The following GALNT14 variants were observed in gnomAD, a reference collection of about 807,000 sequenced individuals.
GALNT14 encodes the protein polypeptide N-acetylgalactosaminyltransferase 14.
Under a neutral mutation model 77.5 loss-of-function variants are expected in GALNT14, and 60 were observed. The ratio of observed to expected loss-of-function variants is 0.77; its 90% CI spans 0.63 to 0.96. The LOEUF (loss-of-function observed/expected upper bound fraction) is 0.96, where lower values mean the gene tolerates loss of function less well. Among genes scored for constraint, GALNT14 ranks in the 40% least tolerant of loss-of-function variants. The probability of loss-of-function intolerance (pLI) is 0.00; values close to 1 mark genes in which losing one functional copy is unlikely to be tolerated. For missense variants in GALNT14, 710 were observed against 731.0 expected (o/e 0.97, Z 0.33); for synonymous variants, 280 against 281.7 (o/e 0.99, Z 0.06).
chr2:31,025,219 G>A (rs1382083866), intron 1 of GALNT14, among the ~76,000 whole-genome samples: 2 of 152,154 alleles, frequency 1.3e-5, no homozygotes, highest in Admixed American at 6.6e-5. Context: ...CAGAGGTGGG[G>A]AAACTGAGGC....
At chr2:31,135,586 T>A (rs1000582877) in intron 1 of GALNT14, among the ~76,000 whole-genome samples, 3 of 151,928 alleles carry the variant, frequency 2.0e-5, no homozygotes, top group African/African-American at 7.3e-5. Context: ...AATTCATGGT[T>A]CTAGAAGGAT....
chr2:30,936,171 G>A (rs560721858), intron 9 of GALNT14, among the ~76,000 whole-genome samples: 6 of 151,696 alleles, frequency 4.0e-5, no homozygotes, highest in Non-Finnish European at 7.4e-5. Flanking sequence ...TTGCCCTCCC[G>A]CCCTCCATTC....
chr2:31,015,870 A>T (rs1056352132), intron 1 of GALNT14, among the ~76,000 whole-genome samples: 4 of 152,230 alleles, frequency 2.6e-5, no homozygotes, highest in African/African-American at 9.6e-5. Context: ...ATTAAATGCA[A>T]GGTGGATCCT....
At chr2:30,966,105 T>G in intron 3 of GALNT14, 99 bp downstream of exon 3, 2 of 813,750 alleles carry the variant, frequency 2.5e-6, no homozygotes, top group Non-Finnish European at 4.2e-6. Context: ...GTTAGATGTG[T>G]CTGGTGCTCC....
At chr2:31,070,147 T>G (rs775805476) in intron 1 of GALNT14, among the ~76,000 whole-genome samples, 1 of 152,160 alleles carries the variant, frequency 6.6e-6, no homozygotes, top group Non-Finnish European at 1.5e-5. Flanking sequence ...TGGCAGGGCA[T>G]ACAGTGGGAT....
At chr2:31,010,324 G>C (rs1362959905) in intron 1 of GALNT14, among the ~76,000 whole-genome samples, 1 of 152,206 alleles carries the variant, frequency 6.6e-6, no homozygotes. Context: ...CTGTGGCTGG[G>C]CGTGGTAGCT....
At chr2:30,899,733 G>A in the GALNT14 span, among the ~76,000 whole-genome samples, 6 of 152,170 alleles carry the variant, frequency 3.9e-5, no homozygotes, top group African/African-American at 9.7e-5. Flanking sequence ...GCACTGTGAC[G>A]GCTTCATTAA....
At chr2:31,032,106 T>C (rs956713465) in intron 1 of GALNT14, among the ~76,000 whole-genome samples, 2 of 152,178 alleles carry the variant, frequency 1.3e-5, no homozygotes, top group South Asian at 2.1e-4. Context: ...CTCTCATGGA[T>C]ACAAAATGGG....
chr2:30,925,239 A>G (rs1034439485), intron 11 of GALNT14, among the ~76,000 whole-genome samples: 2 of 152,176 alleles, frequency 1.3e-5, no homozygotes, highest in Non-Finnish European at 2.9e-5. Flanking sequence ...AGTCTCAAAA[A>G]ATCCTTTTAT....
At chr2:31,137,932 C>G in intron 1 of GALNT14, 26 bp downstream of exon 1, 1 of 1,595,814 alleles carries the variant, frequency 6.3e-7, no homozygotes, top group Non-Finnish European at 8.5e-7. Flanking sequence ...CACCGCTCAG[C>G]GCCAGCGCGC....
intron 6 of GALNT14, among the ~76,000 whole-genome samples, chr2:30,950,468 T>G (rs749298485): frequency 1.5e-4 from 23 of 152,184 alleles, no homozygotes; most frequent in Non-Finnish European, 2.6e-4. Context: ...AGCTTAAAAT[T>G]TCCACTTCCA....
the GALNT14 span, among the ~76,000 whole-genome samples, chr2:30,900,931 A>G: frequency 6.6e-6 from 1 of 152,200 alleles, no homozygotes; most frequent in South Asian, 2.1e-4. Context: ...CCCATCCACC[A>G]GCTGGAGGAG....
intron 1 of GALNT14, among the ~76,000 whole-genome samples, chr2:31,076,574 T>C (rs947649955): frequency 2.0e-5 from 3 of 151,316 alleles, no homozygotes; most frequent in African/African-American, 4.9e-5. Flanking sequence ...TAATTCCTAT[T>C]GCAAACGCAA....
chr2:31,069,861 C>G (rs114930754), intron 1 of GALNT14, among the ~76,000 whole-genome samples: 475 of 152,230 alleles, frequency 3.1e-3, no homozygotes, highest in African/African-American at 0.011. Flanking sequence ...TTACTGCTGT[C>G]ATTTGTCTCC....
chr2:31,098,195 A>G lies in GALNT14; in HGVS notation c.129+39763T>C, dbSNP rs144407675. On this transcript the variant is annotated intron_variant, in intron 1 of 14. Transcript: ENST00000349752. ...GCAAATGTACTGCATTCTGCAAACA[A>G]ACACTCCAGTGCCTAATAAAGGTTA... is the stretch of plus-strand genomic sequence containing the variant. 5.0e-3 allele frequency among the ~76,000 whole-genome samples: 766 copies of G among 152,270 alleles called. 4 individuals are homozygous for G. Among genetic ancestry groups the G allele is most frequent in the Non-Finnish European group, 7.5e-3 (513 of 68,004 alleles).
intron 1 of GALNT14, among the ~76,000 whole-genome samples, chr2:31,036,869 A>G (rs796070031): frequency 3.3e-5 from 5 of 152,306 alleles, no homozygotes; most frequent in African/African-American, 1.2e-4. Flanking sequence ...TCAGCTGTTA[A>G]TCTTACTGAG....
At chr2:30,919,501 T>G (rs371798731) in intron 13 of GALNT14, among the ~76,000 whole-genome samples, 22 of 152,330 alleles carry the variant, frequency 1.4e-4, no homozygotes, top group African/African-American at 5.1e-4. Context: ...AAAGCTGAAC[T>G]CAGCCCTTGG....
At chr2:31,102,341 T>C (rs887237166) in intron 1 of GALNT14, among the ~76,000 whole-genome samples, 10 of 152,154 alleles carry the variant, frequency 6.6e-5, no homozygotes, top group Admixed American at 2.6e-4. Context: ...TGTTCTGCTA[T>C]TGAGTGATTT....
intron 1 of GALNT14, among the ~76,000 whole-genome samples, chr2:31,122,065 A>C (rs1472192305): frequency 6.6e-6 from 1 of 152,204 alleles, no homozygotes; most frequent in African/African-American, 2.4e-5. Context: ...AGAGAGAGGG[A>C]ATTCCTCCAG....
Sources: gnomAD v4.1 joint callset for allele counts (sites outside exome capture counted in the v4.1 genomes callset) on GRCh38, gnomAD v4.1.1 for gene constraint, MANE v1.5 for transcripts, NCBI Gene and HGNC (gene_info 2026-07-23, HGNC 2026-07-21) for gene names.